Variants in ARMH4 observed in about 807,000 individuals in gnomAD.
The protein encoded by ARMH4 is armadillo like helical domain containing 4, also known as armadillo-like helical domain-containing protein 4.
In ARMH4, 49 loss-of-function variants were observed where a neutral mutation model predicts 61.9. The observed-to-expected ratio is 0.79, with a 90% CI of 0.63 to 1.00. ARMH4 has a LOEUF of 1.00. ARMH4 is among the 50% of genes least tolerant of loss of function. The pLI is 0.00. For synonymous variants in ARMH4, 368 were observed against 341.5 expected, an observed-to-expected ratio of 1.08 and a Z score of -0.85; for missense variants, 934 against 930.0, an observed-to-expected ratio of 1.00 and a Z score of -0.06.
At position 58,132,422 on chromosome 14, in the gene ARMH4, G is replaced by C. The variant is rs190142954; in HGVS notation, c.1621+668C>G. On this transcript the variant is annotated intron_variant, in intron 3 of 7. Coordinates refer to ENST00000267485, the MANE Select transcript of ARMH4 (RefSeq NM_001001872.4). ...GGCTACAATATTAGTGAAAGCCAAAGTTGCGATTCAAATTCAGGTCCATGC... is the reference window on the plus strand; with the variant it reads ...GGCTACAATATTAGTGAAAGCCAAACTTGCGATTCAAATTCAGGTCCATGC... Among the ~76,000 whole-genome samples, 672 of 152,104 alleles carry C rather than the reference G, an allele frequency of 4.4e-3. 15 individuals carry two copies. Among genetic ancestry groups the C allele is most frequent in the Non-Finnish European group, 4.5e-3 (307 of 68,012 alleles).
At chr14:58,004,929 A>G in intron 7 of ARMH4, 119 bp downstream of exon 7, 1 of 1,533,138 alleles carries the variant, frequency 6.5e-7, no homozygotes, top group Middle Eastern at 1.7e-4. Flanking sequence ...GCTAATCCAG[A>G]CCACTGGGCA....
intron 5 of ARMH4, among the ~76,000 whole-genome samples, chr14:58,083,642 T>A (rs1312728002): frequency 1.3e-5 from 2 of 152,232 alleles, no homozygotes; most frequent in African/African-American, 4.8e-5. Context: ...AAGAATTATC[T>A]GACTCCATTA....
chr14:58,052,807 A>G (rs1401319229), intron 5 of ARMH4, among the ~76,000 whole-genome samples: 1 of 152,066 alleles, frequency 6.6e-6, no homozygotes, highest in East Asian at 1.9e-4. Context: ...AGCTCCAGAC[A>G]TTTCTCTCCT....
At chr14:58,085,844 C>G (rs985893060) in intron 5 of ARMH4, among the ~76,000 whole-genome samples, 1 of 151,970 alleles carries the variant, frequency 6.6e-6, no homozygotes, top group African/African-American at 2.4e-5. Context: ...GTACCATTAA[C>G]CCAACAGCTC....
Position 58,138,156 on chromosome 14 carries a change from T to C in ARMH4, c.1203A>G (p.Thr401=). The C allele has an allele frequency of 6.2e-7, 1 of 1,614,138 alleles. No individual in the cohort carries two copies. The highest frequency in any genetic ancestry group is 8.5e-7 in the Non-Finnish European group (1 of 1,180,024). The change falls in exon 2 of 8, where the codon ACA becomes ACG. Residue 401 remains threonine (T), a synonymous_variant. Transcript: ENST00000267485. ...AAACTTTCATGTCTTCCATCAGACTTGTGGGGGTAAAGGAACTTTGATCAG... is the reference window on the plus strand; with the variant it reads ...AAACTTTCATGTCTTCCATCAGACTCGTGGGGGTAAAGGAACTTTGATCAG... The part of the protein sequence containing the change: ...AFTDQSSFTP[T]SLMEDMKVSI...
At position 58,138,549 on chromosome 14, in the gene ARMH4, G is replaced by A; in HGVS notation, c.810C>T (p.Thr270=). 6.2e-7 allele frequency: 1 copy of A among 1,614,206 alleles called. No homozygotes were observed. Among genetic ancestry groups the A allele is most frequent in the Non-Finnish European group, 8.5e-7 (1 of 1,180,040 alleles). ...ACTCGGAAGTTTCGAGTGGTTGCTT[G>A]GTGGCAGCAGCCTGGGTGTTATCAG... is the stretch of plus-strand genomic sequence containing the variant. ...MTADNTQAAA[T]KQPLETSEYT... The change falls in exon 2 of 8, where the codon ACC becomes ACT. Residue 270 remains threonine, a synonymous_variant. Transcript: ENST00000267485.
At chr14:58,053,410 A>G (rs1316407020) in intron 5 of ARMH4, among the ~76,000 whole-genome samples, 4 of 152,136 alleles carry the variant, frequency 2.6e-5, no homozygotes, top group African/African-American at 9.7e-5. Flanking sequence ...ACCAGCCCCC[A>G]GTGCACTTCC....
intron 1 of ARMH4, among the ~76,000 whole-genome samples, chr14:58,147,860 G>A (rs571122787): frequency 7.9e-5 from 12 of 152,060 alleles, no homozygotes; most frequent in Non-Finnish European, 1.3e-4. Flanking sequence ...AGAATTCAAC[G>A]TCCCTACCTT....
rs11849665 is a variant in ARMH4, at chr14:58,020,240, G to A, written c.2090-8090C>T. ...CACCCATGGGTCACTCTGGGGAGGG[G>A]TGAGGGCAGGTGGGCCAAGGAGACC... On this transcript the variant is annotated intron_variant, in intron 5 of 7. Transcript: ENST00000267485. Among the ~76,000 whole-genome samples the A allele has an allele frequency of 7.8e-3, 1,189 of 152,310 alleles. 23 individuals carry two copies. The highest frequency in any genetic ancestry group is 0.027 in the African/African-American group (1,114 of 41,570).
At chr14:58,060,645 T>G (rs371763814) in intron 5 of ARMH4, among the ~76,000 whole-genome samples, 2 of 152,096 alleles carry the variant, frequency 1.3e-5, no homozygotes, top group Admixed American at 6.6e-5. Context: ...GTATTAAAAG[T>G]TGTAAAAATA....
intron 4 of ARMH4, among the ~76,000 whole-genome samples, chr14:58,112,657 C>T (rs1358351174): frequency 6.6e-6 from 1 of 152,198 alleles, no homozygotes; most frequent in Non-Finnish European, 1.5e-5. Flanking sequence ...AATTATCTTT[C>T]TTCTTCTCTA....
At chr14:58,072,298 G>A (rs932500901) in intron 5 of ARMH4, among the ~76,000 whole-genome samples, 3 of 152,160 alleles carry the variant, frequency 2.0e-5, no homozygotes, top group Non-Finnish European at 4.4e-5. Flanking sequence ...ATTATAAGAC[G>A]TCACATTTTA....
chr14:58,109,738 T>C (rs1886286430), intron 4 of ARMH4, among the ~76,000 whole-genome samples: 1 of 152,222 alleles, frequency 6.6e-6, no homozygotes, highest in Admixed American at 6.5e-5. Context: ...TCTATTTTCT[T>C]TGGGTTTCTT....
intron 5 of ARMH4, among the ~76,000 whole-genome samples, chr14:58,089,051 G>A (rs1885473051): frequency 1.3e-5 from 2 of 152,122 alleles, no homozygotes; most frequent in South Asian, 2.1e-4. Context: ...GATTCCACTG[G>A]CAGCCAAGAT....
At chr14:58,136,770 C>G (rs1887313436) in intron 2 of ARMH4, among the ~76,000 whole-genome samples, 1 of 152,114 alleles carries the variant, frequency 6.6e-6, no homozygotes, top group Non-Finnish European at 1.5e-5. Context: ...AAAAGAAAAC[C>G]ATTATCCATC....
intron 5 of ARMH4, among the ~76,000 whole-genome samples, chr14:58,024,468 T>C (rs1332718864): frequency 6.6e-6 from 1 of 152,184 alleles, no homozygotes; most frequent in African/African-American, 2.4e-5. Flanking sequence ...TAAGGGAATG[T>C]TGTGGCTGAT....
At chr14:58,109,819 T>C (rs563352936) in intron 4 of ARMH4, among the ~76,000 whole-genome samples, 8 of 152,322 alleles carry the variant, frequency 5.3e-5, no homozygotes, top group Non-Finnish European at 7.3e-5. Flanking sequence ...GACTGGGTAA[T>C]GCATAAACAA....
intron 1 of ARMH4, among the ~76,000 whole-genome samples, chr14:58,145,403 T>C (rs945492891): frequency 6.6e-6 from 1 of 152,238 alleles, no homozygotes; most frequent in Admixed American, 6.5e-5. Context: ...TCCTATAATG[T>C]TGCCATCAAC....
intron 5 of ARMH4, among the ~76,000 whole-genome samples, chr14:58,066,436 A>T (rs567236654): frequency 2.6e-5 from 4 of 152,160 alleles, no homozygotes; most frequent in African/African-American, 9.7e-5. Flanking sequence ...ATTGCTTCAT[A>T]GGTACAGGGT....
Sources: allele counts gnomAD v4.1 joint callset (sites outside exome capture counted in the v4.1 genomes callset), GRCh38; gene constraint gnomAD v4.1.1; transcripts MANE v1.5; gene names NCBI Gene and HGNC (gene_info 2026-07-23, HGNC 2026-07-21).